The following CFAP299 variants were observed in gnomAD, a reference collection of about 807,000 sequenced individuals.
CFAP299 encodes the protein cilia- and flagella-associated protein 299.
CFAP299 carries 21 observed loss-of-function variants against 27.0 expected under a neutral mutation model. The ratio of observed to expected loss-of-function variants is 0.78; its 90% CI spans 0.55 to 1.12. CFAP299 has a LOEUF of 1.12. Ranked by LOEUF, CFAP299 falls within the 50% of genes most tolerant of loss-of-function variation. CFAP299 has a pLI of 0.00. For synonymous variants in CFAP299, 104 were observed against 98.1 expected, an observed-to-expected ratio of 1.06 and a Z score of -0.36; for missense variants, 310 against 276.6, an observed-to-expected ratio of 1.12 and a Z score of -0.86.
chr4:80,670,913 C>T (rs577397886), intron 3 of CFAP299, among the ~76,000 whole-genome samples: 1 of 152,258 alleles, frequency 6.6e-6, no homozygotes, highest in Admixed American at 6.5e-5. Context: ...GGGTAGATTG[C>T]AAAAATTTTC....
chr4:80,631,062 T>C (rs1327720903), intron 3 of CFAP299, among the ~76,000 whole-genome samples: 2 of 152,072 alleles, frequency 1.3e-5, no homozygotes, highest in Non-Finnish European at 2.9e-5. Flanking sequence ...TAGAGTAGTG[T>C]TGTTTAAATT....
At chr4:80,611,257 G>GT (rs918916767) in intron 3 of CFAP299, among the ~76,000 whole-genome samples, 1 of 152,054 alleles carries the variant, frequency 6.6e-6, no homozygotes, top group African/African-American at 2.4e-5. Flanking sequence ...TTAACACCAT[G>GT]TTTTTTTCTT....
chr4:80,470,998 G>A (rs1206413376), intron 2 of CFAP299, among the ~76,000 whole-genome samples: 4 of 152,158 alleles, frequency 2.6e-5, no homozygotes, highest in African/African-American at 7.2e-5. Context: ...ACCAGGAACT[G>A]TACTAAATGC....
At chr4:80,837,820 G>T (rs1288459199) in intron 3 of CFAP299, among the ~76,000 whole-genome samples, 1 of 152,004 alleles carries the variant, frequency 6.6e-6, no homozygotes, top group East Asian at 1.9e-4. Flanking sequence ...GGTATTTCTG[G>T]TTCTAAAACC....
chr4:80,689,542 G>A (rs1231954205), intron 3 of CFAP299, among the ~76,000 whole-genome samples: 9 of 152,280 alleles, frequency 5.9e-5, no homozygotes, highest in South Asian at 2.1e-4. Flanking sequence ...CCTGAAGGAA[G>A]TGCTAAACAT....
intron 3 of CFAP299, among the ~76,000 whole-genome samples, chr4:80,789,377 C>T (rs1004775283): frequency 2.0e-5 from 3 of 151,962 alleles, no homozygotes; most frequent in Non-Finnish European, 4.4e-5. Flanking sequence ...AGGAGGAGAG[C>T]AGCATGAAAT....
intron 3 of CFAP299, among the ~76,000 whole-genome samples, chr4:80,643,956 A>G (rs549657758): frequency 6.6e-6 from 1 of 152,292 alleles, no homozygotes; most frequent in East Asian, 1.9e-4. Context: ...TGAGATATTG[A>G]TTTCTACATT....
the CFAP299 span, among the ~76,000 whole-genome samples, chr4:80,321,960 T>C: frequency 1.1e-4 from 16 of 152,108 alleles, no homozygotes; most frequent in South Asian, 2.1e-4. Context: ...GCCTGAAGGA[T>C]TGTACCTGCA....
intron 3 of CFAP299, among the ~76,000 whole-genome samples, chr4:80,777,326 A>C (rs1005566121): frequency 6.6e-6 from 1 of 152,090 alleles, no homozygotes; most frequent in African/African-American, 2.4e-5. Flanking sequence ...CTACCCCTGC[A>C]TCCCACACCT....
At chr4:80,794,282 G>C (rs182251707) in intron 3 of CFAP299, among the ~76,000 whole-genome samples, 19 of 152,240 alleles carry the variant, frequency 1.2e-4, no homozygotes, top group Non-Finnish European at 2.4e-4. Flanking sequence ...TCCTCCTTCT[G>C]GAACTAAGAC....
intron 2 of CFAP299, among the ~76,000 whole-genome samples, chr4:80,414,460 A>T (rs1726902881): frequency 1.3e-5 from 2 of 152,190 alleles, no homozygotes; most frequent in Admixed American, 1.3e-4. Context: ...GCCAGTTTAA[A>T]ACTTTTGTTC....
At chr4:80,867,347 T>G (rs920310344) in intron 3 of CFAP299, among the ~76,000 whole-genome samples, 2 of 152,182 alleles carry the variant, frequency 1.3e-5, no homozygotes, top group African/African-American at 2.4e-5. Context: ...AACCTTTAAG[T>G]GTTATTGTGT....
At chr4:80,337,830 TGAA>T (rs1183432662) in intron 1 of CFAP299, among the ~76,000 whole-genome samples, 7 of 152,332 alleles carry the variant, frequency 4.6e-5, no homozygotes, top group African/African-American at 1.7e-4. Flanking sequence ...AAAAGTAAGA[TGAA>T]GATTTAGTTG....
intron 2 of CFAP299, chr4:80,420,416 T>G (rs1727237648): frequency 3.6e-6 from 1 of 274,510 alleles, no homozygotes; most frequent in African/African-American, 2.2e-5. Context: ...ATATTTTTAT[T>G]TTTTTCATCA....
intron 3 of CFAP299, among the ~76,000 whole-genome samples, chr4:80,707,488 C>T (rs898412023): frequency 6.6e-6 from 1 of 151,916 alleles, no homozygotes; most frequent in African/African-American, 2.4e-5. Context: ...CTCATTACTG[C>T]TCAATACTAC....
chr4:80,692,921 A>T (rs1307302648), intron 3 of CFAP299, among the ~76,000 whole-genome samples: 1 of 152,098 alleles, frequency 6.6e-6, no homozygotes, highest in African/African-American at 2.4e-5. Flanking sequence ...GAAGACATTT[A>T]TGCAGCCAAA....
At position 80,489,399 on chromosome 4, in the gene CFAP299, C is replaced by T. The variant is rs542975818; in HGVS notation, c.243-93694C>T. Reference sequence around the variant, plus strand: ...GTCAATGTATCAGAAATTCCACTTACGGCAGCATGGAAATTCAGAGAGTCT... The same window carrying T: ...GTCAATGTATCAGAAATTCCACTTATGGCAGCATGGAAATTCAGAGAGTCT... On this transcript the variant is annotated intron_variant, in intron 2 of 5. Transcript: ENST00000358105. Among the ~76,000 whole-genome samples the T allele has an allele frequency of 4.6e-5, 7 of 152,108 alleles. No homozygotes were observed. The East Asian group carries it at 7.7e-4, about 17-fold the overall frequency.
chr4:80,833,045 C>T (rs975018255), intron 3 of CFAP299, among the ~76,000 whole-genome samples: 10 of 151,966 alleles, frequency 6.6e-5, no homozygotes, highest in South Asian at 4.1e-4. Context: ...GAAAGTATTA[C>T]GTTTTGTGAT....
intron 2 of CFAP299, among the ~76,000 whole-genome samples, chr4:80,534,365 T>C (rs1733626011): frequency 6.6e-6 from 1 of 151,570 alleles, no homozygotes; most frequent in African/African-American, 2.4e-5. Flanking sequence ...TTTTTAAGGT[T>C]TGTAAAGTTT....
Sources: allele counts gnomAD v4.1 joint callset (sites outside exome capture counted in the v4.1 genomes callset), GRCh38; gene constraint gnomAD v4.1.1; transcripts MANE v1.5; gene names NCBI Gene and HGNC (gene_info 2026-07-23, HGNC 2026-07-21).